The following SLC1A6 variants were observed in gnomAD, a reference collection of about 807,000 sequenced individuals.
SLC1A6 encodes the protein solute carrier family 1 member 6, also known as excitatory amino acid transporter 4.
SLC1A6 carries 15 observed loss-of-function variants against 42.1 expected under a neutral mutation model. That is an observed-to-expected ratio of 0.36 (90% CI 0.24 to 0.55). The LOEUF (loss-of-function observed/expected upper bound fraction) is 0.55. Ranked by LOEUF, SLC1A6 falls within the 20% of genes least tolerant of loss-of-function variation. The probability of loss-of-function intolerance (pLI) is 0.88; values close to 1 mark genes in which losing one functional copy is unlikely to be tolerated. For missense variants in SLC1A6, 542 were observed against 772.5 expected (o/e 0.70, Z 3.54); for synonymous variants, 317 against 319.7 (o/e 0.99, Z 0.09).
Position 14,975,801 on chromosome 19 carries a change from C to T in SLC1A6, c.-7-2884G>A, listed in dbSNP as rs1279873833. On this transcript the variant is annotated intron_variant, in intron 1 of 9. Coordinates refer to ENST00000594383, the MANE Select transcript of SLC1A6 (RefSeq NM_005071.3). Reference sequence around the variant, plus strand: ...AAAAGAAAGAAAGGAGGGAAGGGAACGGAAGGGAAGGGAAGGGGACAAAGG... The same window carrying T: ...AAAAGAAAGAAAGGAGGGAAGGGAATGGAAGGGAAGGGAAGGGGACAAAGG... 6.1e-4 allele frequency among the ~76,000 whole-genome samples: 56 copies of T among 92,456 alleles called. 1 individual carries two copies. Among genetic ancestry groups the T allele is most frequent in the African/African-American group, 2.2e-3 (52 of 24,186 alleles). 60.7% of individuals were successfully genotyped at this position (92,456 alleles called of 152,430 possible).
intron 4 of SLC1A6, 138 bp from the exon 5 acceptor site, chr19:14,964,499 G>A (rs2045551707): frequency 1.4e-6 from 1 of 732,058 alleles, no homozygotes; most frequent in Non-Finnish European, 2.5e-6. Context: ...CACTGAGCAA[G>A]CATCTTACTA....
intron 1 of SLC1A6, among the ~76,000 whole-genome samples, chr19:15,007,048 A>C (rs1031028203): frequency 6.6e-6 from 1 of 152,238 alleles, no homozygotes; most frequent in Non-Finnish European, 1.5e-5. Flanking sequence ...ATGAGCCACT[A>C]TCTGTGCTGG....
Position 14,953,022 on chromosome 19 carries a change from G to A in SLC1A6, c.1405C>T (p.Pro469Ser). ...TAASVGAAGI[P>S]QAGLVTMVIV... ...ACCATGGTGACCAGACCCGCCTGGG[G>A]GATGCCAGCAGCCCCAACACTGGCT... is the stretch of plus-strand genomic sequence containing the variant. The change falls in exon 9 of 10, where the codon CCC (proline) becomes TCC (serine). Residue 469 changes from proline to serine, a missense_variant. Pro to Ser is a moderately conservative substitution (Grantham distance 74). Coordinates refer to ENST00000594383, the MANE Select transcript of SLC1A6 (RefSeq NM_005071.3). 1 of 1,614,016 alleles carries A rather than the reference G, an allele frequency of 6.2e-7. No homozygotes were observed. Among genetic ancestry groups the A allele is most frequent in the Non-Finnish European group, 8.5e-7 (1 of 1,179,986 alleles).
At chr19:14,970,844 C>T (rs549682329) in intron 3 of SLC1A6, among the ~76,000 whole-genome samples, 1 of 149,858 alleles carries the variant, frequency 6.7e-6, no homozygotes, top group African/African-American at 2.4e-5. Flanking sequence ...TCAAAAGTTA[C>T]ATGTGAGCCG....
chr19:14,968,562 T>C lies in SLC1A6; in HGVS notation c.344-55A>G, dbSNP rs528898250. The C allele has an allele frequency of 5.0e-5, 72 of 1,434,200 alleles. No individual in the cohort carries two copies. In the South Asian group the frequency reaches 9.1e-4, roughly 18 times the overall value. 88.8% of individuals were successfully genotyped at this position (1,434,200 alleles called of 1,614,324 possible). ...CTCCATGCATACCCAACGCCAGCTCTCCTAGCATCCGTTCCACCCTCCCCA... is the reference window on the plus strand; with the variant it reads ...CTCCATGCATACCCAACGCCAGCTCCCCTAGCATCCGTTCCACCCTCCCCA... On this transcript the variant is annotated intron_variant, in intron 3 of 9. Coordinates refer to ENST00000594383, the MANE Select transcript of SLC1A6 (RefSeq NM_005071.3).
Position 14,971,872 on chromosome 19 carries a change from C to T in SLC1A6, c.208G>A (p.Val70Ile), listed in dbSNP as rs763901876. Residue 70 changes from valine (V) to isoleucine (I), a missense_variant and splice_region_variant, in exon 3 of 10, where the codon GTC becomes ATC. Physicochemically the swap from Val to Ile is conservative, Grantham distance 29. Coordinates refer to ENST00000594383, the MANE Select transcript of SLC1A6 (RefSeq NM_005071.3). ...LLTVSAVVIG[V>I]SLAFALRPYQ... The stretch of plus-strand genomic sequence containing the variant: ...GGGCGCAGGGCAAAGGCCAGGCTGA[C>T]CCCTAGGGCCAAAAGAAGGGGTCCA... The T allele has an allele frequency of 2.0e-5, 33 of 1,613,880 alleles. No individual in the cohort carries two copies. The highest frequency in any genetic ancestry group is 2.6e-5 in the Non-Finnish European group (31 of 1,179,954).
intron 4 of SLC1A6, among the ~76,000 whole-genome samples, chr19:14,964,780 G>A (rs772221598): frequency 2.0e-5 from 3 of 152,084 alleles, no homozygotes; most frequent in Non-Finnish European, 4.4e-5. Context: ...TTTAGGTTTC[G>A]TCTAGGCCCA....
chr19:15,003,916 G>A (rs980207525), intron 1 of SLC1A6, among the ~76,000 whole-genome samples: 12 of 152,180 alleles, frequency 7.9e-5, no homozygotes, highest in Non-Finnish European at 1.3e-4. Flanking sequence ...AGCACTTTGG[G>A]AGGCCAAGCC....
At chr19:14,957,963 A>G (rs1317906806) in intron 6 of SLC1A6, among the ~76,000 whole-genome samples, 1 of 152,204 alleles carries the variant, frequency 6.6e-6, no homozygotes, top group Non-Finnish European at 1.5e-5. Context: ...AGTATTGAGT[A>G]AAAAGGAGAA....
Position 14,954,210 on chromosome 19 carries a change from T to C in SLC1A6, c.1289A>G (p.Tyr430Cys). ...ATVNMDGTALYEALAAIFIAQ... is the reference protein window; with the variant it reads ...ATVNMDGTALCEALAAIFIAQ... ...AATGAAGATGGCAGCCAGGGCCTCG[T>C]AGAGGGCAGTGCCATCCATGTTGAC... Residue 430 changes from tyrosine to cysteine, a missense_variant, in exon 8 of 10, where the codon TAC becomes TGC. Physicochemically the swap from Tyr to Cys is radical, Grantham distance 194. This residue lies in a region of SLC1A6 where 54 missense variants were observed against 125.1 expected (regional missense o/e 0.43). Coordinates refer to ENST00000594383, the MANE Select transcript of SLC1A6 (RefSeq NM_005071.3). 4 of 1,614,162 alleles carry C rather than the reference T, an allele frequency of 2.5e-6. No individual in the cohort carries two copies. The highest frequency in any genetic ancestry group is 3.4e-6 in the Non-Finnish European group (4 of 1,180,024).
chr19:14,988,126 C>A (rs530770081), intron 1 of SLC1A6, among the ~76,000 whole-genome samples: 2 of 152,262 alleles, frequency 1.3e-5, no homozygotes, highest in African/African-American at 4.8e-5. Flanking sequence ...TGGCATATTC[C>A]CCAAGTCTGC....
chr19:15,001,529 A>G (rs7259877), intron 1 of SLC1A6, among the ~76,000 whole-genome samples: 14,839 of 152,224 alleles, frequency 0.097, 886 homozygotes, highest in East Asian at 0.2. Context: ...GGGAGATGGA[A>G]GGAAAGGTGG....
At position 14,952,981 on chromosome 19, in the gene SLC1A6, C is replaced by A. The variant is rs759196664; in HGVS notation, c.1446G>T (p.Ser482=). ...GLVTMVIVLT[S]VGLPTEDITL... ...TGATGTCTTCCGTGGGCAAGCCGAC[C>A]GACGTAAGCACAATGACCATGGTGA... The change falls in exon 9 of 10, where the codon TCG becomes TCT. Residue 482 remains serine, a synonymous_variant. Coordinates refer to ENST00000594383, the MANE Select transcript of SLC1A6 (RefSeq NM_005071.3). 1 of 1,613,960 alleles carries A rather than the reference C, an allele frequency of 6.2e-7. No individual in the cohort carries two copies. Among genetic ancestry groups the A allele is most frequent in the East Asian group, 2.2e-5 (1 of 44,850 alleles).
rs1445392434 is a variant in SLC1A6 at position 14,962,211 on chromosome 19, C to A, written c.726G>T (p.Arg242=). ...GCATCTCCTGCAGGGTACCCAAGGCCCGAGTGACATTTTCCAGGAAGCTGG... is the reference window on the plus strand; with the variant it reads ...GCATCTCCTGCAGGGTACCCAAGGCACGAGTGACATTTTCCAGGAAGCTGG... ...NGTSFLENVT[R]ALGTLQEMLS... Residue 242 remains arginine, a synonymous_variant, in exon 6 of 10, where the codon CGG becomes CGT. Transcript: ENST00000594383. 1.2e-6 allele frequency: 2 copies of A among 1,614,166 alleles called. No individual in the cohort carries two copies. Among genetic ancestry groups the A allele is most frequent in the Non-Finnish European group, 1.7e-6 (2 of 1,180,032 alleles).
At chr19:14,967,716 G>GTTAAA (rs1279715333) in intron 4 of SLC1A6, among the ~76,000 whole-genome samples, 2 of 152,128 alleles carry the variant, frequency 1.3e-5, no homozygotes, top group African/African-American at 2.4e-5. Flanking sequence ...TTCTCTAGGA[G>GTTAAA]TTAAACAAAC....
chr19:14,997,636 G>A (rs866166200), intron 1 of SLC1A6, among the ~76,000 whole-genome samples: 2 of 152,142 alleles, frequency 1.3e-5, no homozygotes, highest in South Asian at 4.1e-4. Flanking sequence ...GCACCTACCT[G>A]TGATAGGCAA....
intron 1 of SLC1A6, among the ~76,000 whole-genome samples, chr19:14,999,546 T>A (rs2045863315): frequency 6.6e-6 from 1 of 152,242 alleles, no homozygotes; most frequent in African/African-American, 2.4e-5. Context: ...GTCAATAACC[T>A]TGGCAAAATA....
chr19:14,970,555 C>CA (rs1200012508), intron 3 of SLC1A6, among the ~76,000 whole-genome samples: 2 of 151,418 alleles, frequency 1.3e-5, no homozygotes, highest in South Asian at 2.1e-4. Context: ...ACTAAAAATA[C>CA]AAAAAATTAG....
chr19:15,007,996 G>C (rs2045904320), intron 1 of SLC1A6, among the ~76,000 whole-genome samples: 1 of 150,340 alleles, frequency 6.7e-6, no homozygotes. Flanking sequence ...CTGCACTCCA[G>C]CTTGGGAAAC....
Sources: gnomAD v4.1 joint callset for allele counts (sites outside exome capture counted in the v4.1 genomes callset) on GRCh38, gnomAD v4.1.1 for gene constraint, gnomAD v4.1.1 regional missense constraint, MANE v1.5 for transcripts, NCBI Gene and HGNC (gene_info 2026-07-23, HGNC 2026-07-21) for gene names.